The following HCN1 variants were observed in gnomAD, a reference collection of about 807,000 sequenced individuals.
The protein encoded by HCN1 is potassium/sodium hyperpolarization-activated cyclic nucleotide-gated channel 1.
In HCN1, 13 loss-of-function variants were observed where a neutral mutation model predicts 78.9. The observed-to-expected ratio is 0.16, with a 90% confidence interval of 0.11 to 0.26. The LOEUF is 0.26. Among genes scored for constraint, HCN1 ranks in the 10% least tolerant of loss-of-function variants. The pLI is 1.00. For synonymous variants in HCN1, 552 were observed against 455.5 expected (o/e 1.21, Z -2.70); for missense variants, 810 against 1,154.3 (o/e 0.70, Z 4.32).
intron 2 of HCN1, among the ~76,000 whole-genome samples, chr5:45,539,961 A>ATATATAT (rs1561193956): frequency 3.1e-5 from 4 of 127,640 alleles, no homozygotes; most frequent in African/African-American, 1.0e-4. Context: ...TATATATATA[A>ATATATAT]AATGTTTATC....
intron 6 of HCN1, among the ~76,000 whole-genome samples, chr5:45,275,474 T>C (rs536551131): frequency 1.3e-5 from 2 of 152,288 alleles, no homozygotes; most frequent in East Asian, 1.9e-4. Flanking sequence ...TTTGATTTTG[T>C]TGTATATGTG....
intron 5 of HCN1, among the ~76,000 whole-genome samples, chr5:45,309,221 T>G (rs913667229): frequency 1.3e-5 from 2 of 152,152 alleles, no homozygotes; most frequent in African/African-American, 4.8e-5. Flanking sequence ...TGATTTTGTA[T>G]CCTGAGACTT....
At chr5:45,654,822 A>G (rs1745737137) in intron 1 of HCN1, among the ~76,000 whole-genome samples, 1 of 152,166 alleles carries the variant, frequency 6.6e-6, no homozygotes, top group African/African-American at 2.4e-5. Flanking sequence ...TACATGGCTA[A>G]GTTAAAGTTT....
chr5:45,475,339 C>G (rs1425489947), intron 2 of HCN1, among the ~76,000 whole-genome samples: 1 of 152,002 alleles, frequency 6.6e-6, no homozygotes. Flanking sequence ...TATTATGACA[C>G]AGACTATTTT....
At chr5:45,298,159 C>T (rs1745537195) in intron 6 of HCN1, among the ~76,000 whole-genome samples, 1 of 152,014 alleles carries the variant, frequency 6.6e-6, no homozygotes, top group African/African-American at 2.4e-5. Flanking sequence ...TATGAGTTGA[C>T]TGGCTCATGA....
intron 3 of HCN1, among the ~76,000 whole-genome samples, chr5:45,452,074 T>C (rs1457796217): frequency 1.3e-5 from 2 of 151,950 alleles, no homozygotes; most frequent in Non-Finnish European, 2.9e-5. Context: ...TGTGATTCAC[T>C]GCTATATGTT....
chr5:45,608,889 T>G (rs751573387), intron 2 of HCN1, among the ~76,000 whole-genome samples: 4 of 152,018 alleles, frequency 2.6e-5, no homozygotes, highest in Non-Finnish European at 5.9e-5. Context: ...ACTGTATAAA[T>G]GTGTCTTATA....
At chr5:45,644,874 T>TA (rs991284915) in intron 2 of HCN1, 19 of 398,868 alleles carry the variant, frequency 4.8e-5, no homozygotes, top group East Asian at 8.7e-5. Context: ...TATATTAGAT[T>TA]AAAAAAAACC....
intron 2 of HCN1, among the ~76,000 whole-genome samples, chr5:45,619,290 C>T (rs990724748): frequency 6.6e-6 from 1 of 152,174 alleles, no homozygotes; most frequent in Admixed American, 6.5e-5. Flanking sequence ...ATCTGGCACC[C>T]ACATCACAAT....
rs73099441 is a variant in HCN1, at chr5:45,307,557, C to T, written c.1378-3718G>A. Among the ~76,000 whole-genome samples the T allele has an allele frequency of 9.3e-3, 1,419 of 152,148 alleles. 27 individuals are homozygous for T. Among genetic ancestry groups the T allele is most frequent in the African/African-American group, 0.033 (1,388 of 41,512 alleles). The stretch of plus-strand genomic sequence containing the variant: ...TTTTGTGGCATTCCTACACCAAACC[C>T]ATAATCCCATTTTAATCATGACAAA... On this transcript the variant is annotated intron_variant, in intron 5 of 7. Transcript: ENST00000303230.
intron 5 of HCN1, among the ~76,000 whole-genome samples, chr5:45,323,235 TAAAA>T (rs1006101261): frequency 6.6e-6 from 1 of 151,854 alleles, no homozygotes; most frequent in Non-Finnish European, 1.5e-5. Flanking sequence ...GAAGACTTGA[TAAAA>T]AAATGAATAT....
intron 3 of HCN1, among the ~76,000 whole-genome samples, chr5:45,442,636 A>C (rs1160069414): frequency 2.0e-5 from 3 of 152,034 alleles, no homozygotes; most frequent in African/African-American, 2.4e-5. Flanking sequence ...ACAATAAAAA[A>C]CATCTGAATA....
intron 3 of HCN1, among the ~76,000 whole-genome samples, chr5:45,435,560 A>G (rs534314958): frequency 1.8e-4 from 28 of 152,282 alleles, no homozygotes; most frequent in African/African-American, 5.8e-4. Flanking sequence ...AGACCTTATT[A>G]ATGACAATGA....
intron 2 of HCN1, among the ~76,000 whole-genome samples, chr5:45,480,740 G>T (rs1741632066): frequency 6.6e-6 from 1 of 152,088 alleles, no homozygotes; most frequent in Admixed American, 6.5e-5. Context: ...TTCTACTTTA[G>T]TCCCTGATCA....
chr5:45,450,572 G>T (rs1157866073), intron 3 of HCN1, among the ~76,000 whole-genome samples: 4 of 152,034 alleles, frequency 2.6e-5, no homozygotes, highest in African/African-American at 4.8e-5. Context: ...GCTTCACATG[G>T]TTGTGAACAG....
intron 1 of HCN1, among the ~76,000 whole-genome samples, chr5:45,663,074 A>G (rs1303679601): frequency 6.7e-6 from 1 of 149,854 alleles, no homozygotes; most frequent in African/African-American, 2.5e-5. Context: ...AGGCTACAGT[A>G]ACCAAAACAG....
chr5:45,394,660 AC>A, intron 4 of HCN1, among the ~76,000 whole-genome samples: 1 of 152,230 alleles, frequency 6.6e-6, no homozygotes, highest in South Asian at 2.1e-4. Context: ...TTCTTTTAAT[AC>A]AAAAATTAGT....
rs1744684223 is a variant in HCN1, at chr5:45,259,312, A to T, written c.*2609T>A. On this transcript the variant is annotated 3_prime_UTR_variant, in exon 8 of 8. Coordinates refer to ENST00000303230, the MANE Select transcript of HCN1 (RefSeq NM_021072.4). The stretch of plus-strand genomic sequence containing the variant: ...ATATATTTATATATGTATGGCTTTG[A>T]GCAAAGACAAAAGAAATACTCTAAC... The T allele has an allele frequency of 6.6e-6, 1 of 152,282 alleles. No individual in the cohort carries two copies. The highest frequency in any genetic ancestry group is 2.1e-4 in the South Asian group (1 of 4,828). The allele number at this position is 152,282 out of a possible 1,614,324, so 9.4% of individuals were successfully genotyped here. A position where few individuals can be genotyped will look rare whatever the true frequency, so the allele number is the denominator to read the frequency against.
At chr5:45,303,026 A>T (rs927285974) in intron 6 of HCN1, among the ~76,000 whole-genome samples, 1 of 152,148 alleles carries the variant, frequency 6.6e-6, no homozygotes, top group African/African-American at 2.4e-5. Context: ...AAACAATACA[A>T]ATTTCTGTAA....
Sources: gnomAD v4.1 joint callset for allele counts (sites outside exome capture counted in the v4.1 genomes callset) on GRCh38, gnomAD v4.1.1 for gene constraint, MANE v1.5 for transcripts, NCBI Gene and HGNC (gene_info 2026-07-23, HGNC 2026-07-21) for gene names.